The following MAN1A1 variants were observed in gnomAD, a reference collection of about 807,000 sequenced individuals.
MAN1A1 encodes the protein mannosyl-oligosaccharide 1,2-alpha-mannosidase IA.
Under a neutral mutation model 70.8 loss-of-function variants are expected in MAN1A1, and 29 were observed. The ratio of observed to expected loss-of-function variants is 0.41; its 90% confidence interval spans 0.31 to 0.56. The LOEUF (loss-of-function observed/expected upper bound fraction) is 0.56. MAN1A1 is among the 20% of genes least tolerant of loss of function. MAN1A1 has a pLI of 0.29. For synonymous variants in MAN1A1, 349 were observed against 330.1 expected (o/e 1.06, Z -0.62); for missense variants, 747 against 841.3 (o/e 0.89, Z 1.39).
chr6:119,338,611 A>T (rs908397823), intron 2 of MAN1A1, among the ~76,000 whole-genome samples: 1 of 152,220 alleles, frequency 6.6e-6, no homozygotes, highest in Non-Finnish European at 1.5e-5. Flanking sequence ...ACTACTTTTG[A>T]TCTTCAACTA....
chr6:119,266,435 TAC>T (rs1775756375), intron 5 of MAN1A1, among the ~76,000 whole-genome samples: 1 of 152,008 alleles, frequency 6.6e-6, no homozygotes, highest in Non-Finnish European at 1.5e-5. Context: ...TCCACATAAA[TAC>T]AGTCAATTGA....
intron 8 of MAN1A1, among the ~76,000 whole-genome samples, chr6:119,199,661 C>T (rs1044003189): frequency 4.6e-5 from 7 of 151,238 alleles, no homozygotes; most frequent in African/African-American, 1.7e-4. Context: ...AATCCCAACA[C>T]TTTGGGAGGC....
chr6:119,225,259 A>C (rs1030063838), intron 6 of MAN1A1, among the ~76,000 whole-genome samples: 3 of 152,054 alleles, frequency 2.0e-5, no homozygotes, highest in Non-Finnish European at 4.4e-5. Context: ...AACTGGAGCC[A>C]GGTGCGGTGG....
intron 1 of MAN1A1, 52 bp from the exon 2 acceptor site, chr6:119,349,339 C>T: frequency 3.5e-6 from 4 of 1,130,402 alleles, no homozygotes; most frequent in African/African-American, 1.6e-5. Context: ...GATAAAGTTT[C>T]CAGCGGGTCT....
chr6:119,336,821 A>C (rs545856137), intron 2 of MAN1A1, among the ~76,000 whole-genome samples: 1 of 152,346 alleles, frequency 6.6e-6, no homozygotes, highest in South Asian at 2.1e-4. Flanking sequence ...GAAACAAAAC[A>C]AAACCAACTC....
chr6:119,315,262 T>G (rs1772818107), intron 2 of MAN1A1, among the ~76,000 whole-genome samples: 2 of 152,250 alleles, frequency 1.3e-5, no homozygotes, highest in Non-Finnish European at 2.9e-5. Context: ...ACAGTAATTA[T>G]TTAATGCTAT....
chr6:119,247,067 G>A (rs1481602524), intron 6 of MAN1A1, among the ~76,000 whole-genome samples: 1 of 152,066 alleles, frequency 6.6e-6, no homozygotes, highest in Non-Finnish European at 1.5e-5. Context: ...CTAAAGCATG[G>A]CATCTCACAA....
intron 7 of MAN1A1, 102 bp downstream of exon 7, chr6:119,204,657 T>C: frequency 7.2e-7 from 1 of 1,384,080 alleles, no homozygotes. Context: ...TATAACAAAT[T>C]TGGTTATTAT....
intron 5 of MAN1A1, among the ~76,000 whole-genome samples, chr6:119,285,931 G>A (rs9481899): frequency 0.012 from 1,814 of 152,242 alleles, 39 homozygotes; most frequent in African/African-American, 0.042. Flanking sequence ...CCAGATTGCT[G>A]TTAATGCTCT....
At chr6:119,296,647 ACTTACTTT>A (rs1347468918) in intron 4 of MAN1A1, among the ~76,000 whole-genome samples, 1 of 152,062 alleles carries the variant, frequency 6.6e-6, no homozygotes, top group African/African-American at 2.4e-5. Context: ...GAACCCTACA[ACTTACTTT>A]CTTGAAAAGT....
Position 119,179,670 on chromosome 6 carries a change from T to C in MAN1A1, c.*149A>G, listed in dbSNP as rs1306833109. The C allele has an allele frequency of 6.4e-6, 4 of 623,096 alleles. No individual in the cohort carries two copies. Among genetic ancestry groups the C allele is most frequent in the Admixed American group, 5.9e-5 (2 of 34,144 alleles). The allele number at this position is 623,096 out of a possible 1,614,324, so 38.6% of individuals were successfully genotyped here. On this transcript the variant is annotated 3_prime_UTR_variant, in exon 13 of 13. Coordinates refer to ENST00000368468, the MANE Select transcript of MAN1A1 (RefSeq NM_005907.4). ...AGGAATTTAGGTCCACCTATACCTA[T>C]GATAATAAACATAAAAGACTGCAAA...
At chr6:119,227,926 A>G (rs1774564421) in intron 6 of MAN1A1, among the ~76,000 whole-genome samples, 1 of 152,230 alleles carries the variant, frequency 6.6e-6, no homozygotes, top group African/African-American at 2.4e-5. Flanking sequence ...AAATTTTAAG[A>G]GAATGCACTA....
chr6:119,232,168 C>T (rs905974137), intron 6 of MAN1A1, among the ~76,000 whole-genome samples: 2 of 151,830 alleles, frequency 1.3e-5, no homozygotes, highest in African/African-American at 2.4e-5. Context: ...GTCAGGAGAT[C>T]GAGACCATCC....
At chr6:119,298,225 A>G (rs566148349) in intron 4 of MAN1A1, among the ~76,000 whole-genome samples, 122 of 152,308 alleles carry the variant, frequency 8.0e-4, no homozygotes, top group African/African-American at 2.8e-3. Context: ...GTGCCTCTAC[A>G]GATACTTGAA....
intron 5 of MAN1A1, 27 bp downstream of exon 5, chr6:119,290,656 A>G (rs370498423): frequency 1.3e-6 from 2 of 1,525,564 alleles, no homozygotes; most frequent in Non-Finnish European, 1.8e-6. Flanking sequence ...TTTATAATTC[A>G]CATTTATATA....
At chr6:119,271,979 C>T (rs1263270088) in intron 5 of MAN1A1, among the ~76,000 whole-genome samples, 1 of 152,076 alleles carries the variant, frequency 6.6e-6, no homozygotes, top group Non-Finnish European at 1.5e-5. Context: ...CTTAGGGTGA[C>T]AAGGAAGTAA....
chr6:119,232,717 G>GTGTGTA (rs1554206675), intron 6 of MAN1A1, among the ~76,000 whole-genome samples: 6 of 129,584 alleles, frequency 4.6e-5, no homozygotes, highest in African/African-American at 1.7e-4. Flanking sequence ...GTGTGTGTGT[G>GTGTGTA]TATATTTGGA....
intron 11 of MAN1A1, among the ~76,000 whole-genome samples, chr6:119,182,145 CT>C (rs1773168408): frequency 6.6e-6 from 1 of 152,162 alleles, no homozygotes; most frequent in Non-Finnish European, 1.5e-5. Context: ...TGTTGAGCAT[CT>C]TTTCACTACT....
intron 2 of MAN1A1, among the ~76,000 whole-genome samples, chr6:119,334,651 T>A (rs1773405749): frequency 6.6e-6 from 1 of 152,260 alleles, no homozygotes; most frequent in African/African-American, 2.4e-5. Context: ...ATTTCACTCT[T>A]GAATTCTTGT....
Sources: gnomAD v4.1 joint callset for allele counts (sites outside exome capture counted in the v4.1 genomes callset) on GRCh38, gnomAD v4.1.1 for gene constraint, MANE v1.5 for transcripts, NCBI Gene and HGNC (gene_info 2026-07-23, HGNC 2026-07-21) for gene names.